BMERB1: variants seen among roughly 807,000 people sequenced by gnomAD.
BMERB1 encodes bMERB domain-containing protein 1.
Under a neutral mutation model 23.6 loss-of-function variants are expected in BMERB1, and 12 were observed. The ratio of observed to expected loss-of-function variants is 0.51; its 90% CI spans 0.33 to 0.82. The LOEUF is 0.82. Among genes scored for constraint, BMERB1 ranks in the 40% least tolerant of loss-of-function variants. BMERB1 has a pLI of 0.03. For missense variants in BMERB1, 247 were observed against 255.4 expected (o/e 0.97, Z 0.22); for synonymous variants, 122 against 96.6 (o/e 1.26, Z -1.54).
At position 15,435,188 on chromosome 16, in the gene BMERB1, T is replaced by G. The variant is rs2050877595; in HGVS notation, c.106+429T>G. 2.6e-5 allele frequency among the ~76,000 whole-genome samples: 4 copies of G among 152,162 alleles called. No individual in the cohort carries two copies. In the South Asian group the frequency reaches 8.3e-4, roughly 31 times the overall value. ...TGGAGAGGGGGGAGTGTCTGCTGGT[T>G]TTCCGCTTGCTTTCCTACCCCCTGC... On this transcript the variant is annotated intron_variant, in intron 1 of 5. Coordinates refer to ENST00000300006, the MANE Select transcript of BMERB1 (RefSeq NM_033201.3).
At chr16:15,510,846 C>T (rs1262739472) in intron 1 of BMERB1, among the ~76,000 whole-genome samples, 1 of 152,034 alleles carries the variant, frequency 6.6e-6, no homozygotes, top group Non-Finnish European at 1.5e-5. Flanking sequence ...GGATTACAGG[C>T]ACCTGCCAGC....
At chr16:15,529,150 G>A (rs1305616326) in intron 2 of BMERB1, among the ~76,000 whole-genome samples, 4 of 152,046 alleles carry the variant, frequency 2.6e-5, no homozygotes, top group African/African-American at 7.2e-5. Context: ...TCAGCCTCCC[G>A]AGTAGCTGGG....
intron 1 of BMERB1, among the ~76,000 whole-genome samples, chr16:15,435,664 T>C (rs1189171822): frequency 6.6e-6 from 1 of 152,176 alleles, no homozygotes; most frequent in Non-Finnish European, 1.5e-5. Context: ...GGGTCACTGC[T>C]CCGCGCTCTG....
intron 2 of BMERB1, chr16:15,536,563 C>A (rs1446538773): frequency 2.6e-5 from 4 of 152,366 alleles, no homozygotes; most frequent in Non-Finnish European, 5.9e-5. Context: ...TGAGCACTGA[C>A]TAATATCCCT....
intron 1 of BMERB1, among the ~76,000 whole-genome samples, chr16:15,455,806 G>T (rs1262340204): frequency 6.6e-6 from 1 of 152,174 alleles, no homozygotes; most frequent in Non-Finnish European, 1.5e-5. Flanking sequence ...CTTTCAAGGG[G>T]TGCAGCTTTA....
chr16:15,533,330 G>A (rs2150960208), intron 2 of BMERB1, among the ~76,000 whole-genome samples: 1 of 152,114 alleles, frequency 6.6e-6, no homozygotes, highest in African/African-American at 2.4e-5. Flanking sequence ...AAGTCTCAAG[G>A]GGCACCTAAG....
At chr16:15,438,782 C>G (rs995883084) in intron 1 of BMERB1, among the ~76,000 whole-genome samples, 8 of 152,134 alleles carry the variant, frequency 5.3e-5, no homozygotes, top group African/African-American at 1.9e-4. Flanking sequence ...TGCGTGTTTG[C>G]ACGCAGGGGG....
At chr16:15,566,953 T>C (rs2030583408) in intron 2 of BMERB1, among the ~76,000 whole-genome samples, 1 of 151,708 alleles carries the variant, frequency 6.6e-6, no homozygotes, top group Admixed American at 6.6e-5. Context: ...GAGGCTGAGG[T>C]GGGAGGATTG....
chr16:15,566,674 A>G (rs1437498944), intron 2 of BMERB1, among the ~76,000 whole-genome samples: 1 of 152,102 alleles, frequency 6.6e-6, no homozygotes, highest in Non-Finnish European at 1.5e-5. Context: ...AAAAAAATAA[A>G]AATAAAAATA....
At chr16:15,454,609 A>G (rs1183062905) in intron 1 of BMERB1, among the ~76,000 whole-genome samples, 1 of 152,182 alleles carries the variant, frequency 6.6e-6, no homozygotes, top group African/African-American at 2.4e-5. Flanking sequence ...CCTGGCCAAC[A>G]TGGTGAAACC....
intron 2 of BMERB1, among the ~76,000 whole-genome samples, chr16:15,517,754 G>A (rs1169535880): frequency 2.8e-5 from 4 of 142,610 alleles, no homozygotes; most frequent in African/African-American, 1.2e-4. Context: ...GGATATTTGT[G>A]TGGATGTGTG....
chr16:15,540,932 C>T (rs1567491431), intron 2 of BMERB1, among the ~76,000 whole-genome samples: 1 of 152,068 alleles, frequency 6.6e-6, no homozygotes, highest in Non-Finnish European at 1.5e-5. Context: ...CAACTGGGTG[C>T]CCAAGCAATT....
rs559756478 is a variant in BMERB1 at position 15,575,800 on chromosome 16, T to C, written c.305-5417T>C. ...AAGTAGTGGCCCACAATTAGTCTGA[T>C]TGGTCGCAGAAAGCTTTTGCAGTTG... On this transcript the variant is annotated intron_variant, in intron 3 of 5. Coordinates refer to ENST00000300006, the MANE Select transcript of BMERB1 (RefSeq NM_033201.3). Among the ~76,000 whole-genome samples, 4 of 151,994 alleles carry C rather than the reference T, an allele frequency of 2.6e-5. No homozygotes were observed. The East Asian group carries it at 5.8e-4, about 22-fold the overall frequency.
intron 1 of BMERB1, among the ~76,000 whole-genome samples, chr16:15,453,283 G>A (rs1316773369): frequency 7.2e-5 from 11 of 152,172 alleles, no homozygotes; most frequent in African/African-American, 1.2e-4. Flanking sequence ...AGTTATAAAA[G>A]AGGGCAAATG....
At chr16:15,466,231 T>A (rs2051179296) in intron 1 of BMERB1, among the ~76,000 whole-genome samples, 1 of 152,204 alleles carries the variant, frequency 6.6e-6, no homozygotes, top group South Asian at 2.1e-4. Flanking sequence ...TTCCTTATAT[T>A]TTCACCAGCC....
chr16:15,556,846 A>T (rs2030274231), intron 2 of BMERB1, among the ~76,000 whole-genome samples: 1 of 152,188 alleles, frequency 6.6e-6, no homozygotes, highest in Non-Finnish European at 1.5e-5. Flanking sequence ...GGCCTCCCAA[A>T]GTGCTGGGAT....
At chr16:15,575,567 G>A (rs562426728) in intron 3 of BMERB1, among the ~76,000 whole-genome samples, 1 of 152,124 alleles carries the variant, frequency 6.6e-6, no homozygotes, top group Non-Finnish European at 1.5e-5. Context: ...TTTGAACAAA[G>A]AATTGGACAA....
intron 1 of BMERB1, among the ~76,000 whole-genome samples, chr16:15,443,919 A>G (rs1567447736): frequency 6.8e-6 from 1 of 147,938 alleles, no homozygotes; most frequent in Non-Finnish European, 1.5e-5. Flanking sequence ...CTCCAAAAAC[A>G]AAAAAAAAAG....
chr16:15,503,196 T>C (rs1305830899), intron 1 of BMERB1, among the ~76,000 whole-genome samples: 2 of 152,158 alleles, frequency 1.3e-5, no homozygotes, highest in Non-Finnish European at 2.9e-5. Context: ...TTATAAGTAA[T>C]CTAGAGATGA....
Sources: gnomAD v4.1 joint callset for allele counts (sites outside exome capture counted in the v4.1 genomes callset) on GRCh38, gnomAD v4.1.1 for gene constraint, MANE v1.5 for transcripts, NCBI Gene and HGNC (gene_info 2026-07-23, HGNC 2026-07-21) for gene names.